Variants in NAV3 observed in about 807,000 individuals in gnomAD.
NAV3 encodes the protein neuron navigator 3, also known as pore membrane and/or filament interacting like protein 1.
In NAV3, 87 loss-of-function variants were observed where a neutral mutation model predicts 244.7. The observed-to-expected ratio is 0.36, with a 90% CI of 0.30 to 0.42. The LOEUF (loss-of-function observed/expected upper bound fraction) is 0.42. Ranked by LOEUF, NAV3 falls within the 20% of genes least tolerant of loss-of-function variation. NAV3 has a pLI of 1.00. For synonymous variants in NAV3, 1,126 were observed against 1,042.2 expected (o/e 1.08, Z -1.55); for missense variants, 2,663 against 2,893.3 (o/e 0.92, Z 1.83).
intron 1 of NAV3, among the ~76,000 whole-genome samples, chr12:77,889,943 G>A (rs893055479): frequency 1.3e-5 from 2 of 152,036 alleles, no homozygotes; most frequent in African/African-American, 4.8e-5. Context: ...ATCATTCTTG[G>A]CCTATAGCTA....
chr12:77,610,786 T>A (rs140841610), intron 2 of NAV3, among the ~76,000 whole-genome samples: 3 of 152,048 alleles, frequency 2.0e-5, no homozygotes, highest in African/African-American at 7.2e-5. Context: ...CTGGTCTCCA[T>A]GTACAAAGAG....
chr12:77,731,570 G>A (rs376269271), intron 2 of NAV3, among the ~76,000 whole-genome samples: 1 of 151,850 alleles, frequency 6.6e-6, no homozygotes, highest in South Asian at 2.1e-4. Context: ...AAGAGAGAGA[G>A]GAATCTTCAT....
intron 12 of NAV3, among the ~76,000 whole-genome samples, chr12:78,102,272 G>T (rs1349282553): frequency 1.3e-5 from 2 of 152,074 alleles, no homozygotes; most frequent in Non-Finnish European, 2.9e-5. Flanking sequence ...TGGGTTACAG[G>T]GCATGCAATT....
chr12:78,113,176 C>G (rs1955189778), intron 12 of NAV3, among the ~76,000 whole-genome samples: 1 of 152,258 alleles, frequency 6.6e-6, no homozygotes. Context: ...CTCCAGGCTG[C>G]TTTTACAAGC....
chr12:77,868,044 G>A (rs1880347079), intron 1 of NAV3, among the ~76,000 whole-genome samples: 1 of 152,186 alleles, frequency 6.6e-6, no homozygotes. Flanking sequence ...AACCAAAGTG[G>A]AAGTGATCTT....
intron 2 of NAV3, among the ~76,000 whole-genome samples, chr12:77,643,528 A>C (rs1872506739): frequency 1.3e-5 from 2 of 151,692 alleles, no homozygotes; most frequent in Admixed American, 1.3e-4. Context: ...AATATCATTC[A>C]TTTAAATTAG....
intron 1 of NAV3, among the ~76,000 whole-genome samples, chr12:77,864,073 C>T (rs959587316): frequency 6.6e-6 from 1 of 151,850 alleles, no homozygotes; most frequent in Non-Finnish European, 1.5e-5. Flanking sequence ...GTACATCACA[C>T]ACAATAAAAG....
intron 2 of NAV3, among the ~76,000 whole-genome samples, chr12:77,750,868 A>T (rs1868816985): frequency 6.6e-6 from 1 of 152,240 alleles, no homozygotes; most frequent in Admixed American, 6.5e-5. Context: ...ATCAATTTTC[A>T]AAGTTTTTAG....
chr12:77,900,495 T>A (rs1885155213), intron 1 of NAV3, among the ~76,000 whole-genome samples: 1 of 152,206 alleles, frequency 6.6e-6, no homozygotes, highest in South Asian at 2.1e-4. Context: ...GATGCATCCA[T>A]GTTACAACTA....
intron 5 of NAV3, among the ~76,000 whole-genome samples, chr12:77,991,901 G>A (rs1871505722): frequency 6.6e-6 from 1 of 151,950 alleles, no homozygotes. Context: ...TGTGGTGGCG[G>A]GTGCCTGTAA....
At chr12:77,783,074 A>G (rs1330230717) in intron 2 of NAV3, among the ~76,000 whole-genome samples, 1 of 150,400 alleles carries the variant, frequency 6.6e-6, no homozygotes, top group African/African-American at 2.4e-5. Flanking sequence ...TTTAAAATTC[A>G]TTTGTACCAT....
At chr12:77,692,278 T>A (rs1473860606) in intron 2 of NAV3, among the ~76,000 whole-genome samples, 1 of 152,076 alleles carries the variant, frequency 6.6e-6, no homozygotes, top group South Asian at 2.1e-4. Flanking sequence ...TAATAAAATA[T>A]TTTACATTTA....
At position 77,580,247 on chromosome 12, in the gene NAV3, C is replaced by T. The variant is rs183896071; in HGVS notation, c.72+7981C>T. On this transcript the variant is annotated intron_variant, in intron 2 of 8. Transcript: ENST00000550042. Reference sequence around the variant, plus strand: ...ACACACACACACACACACACACACACACACACACACACACAAAGATGGAAG... The same window carrying T: ...ACACACACACACACACACACACACATACACACACACACACAAAGATGGAAG... 5.7e-3 allele frequency among the ~76,000 whole-genome samples: 669 copies of T among 117,260 alleles called. 3 individuals are homozygous for T. The highest frequency in any genetic ancestry group is 0.018 in the Middle Eastern group (4 of 222). The allele number at this position is 117,260 out of a possible 152,430, so 76.9% of individuals were successfully genotyped here. A position where few individuals can be genotyped will look rare whatever the true frequency, so the allele number is the denominator to read the frequency against.
chr12:77,972,946 T>C (rs1022658654), intron 5 of NAV3, among the ~76,000 whole-genome samples: 3 of 151,850 alleles, frequency 2.0e-5, no homozygotes, highest in Non-Finnish European at 4.4e-5. Context: ...ACTCAGTAAA[T>C]GAATGCATGA....
At chr12:78,085,712 C>T (rs924191446) in intron 12 of NAV3, among the ~76,000 whole-genome samples, 4 of 152,048 alleles carry the variant, frequency 2.6e-5, no homozygotes, top group African/African-American at 4.8e-5. Flanking sequence ...AAATGGAAAA[C>T]TGGCACTTAG....
chr12:77,765,520 C>T (rs1869696515), intron 2 of NAV3, among the ~76,000 whole-genome samples: 1 of 152,080 alleles, frequency 6.6e-6, no homozygotes, highest in Non-Finnish European at 1.5e-5. Flanking sequence ...ATCCGAGCCA[C>T]TCAGTTAAGG....
intron 8 of NAV3, among the ~76,000 whole-genome samples, chr12:78,013,957 T>C (rs1175083962): frequency 6.6e-6 from 1 of 152,108 alleles, no homozygotes. Flanking sequence ...CTGTTTTTCC[T>C]GCCTGGAGTT....
At chr12:77,930,501 A>G (rs1049366885) in intron 1 of NAV3, among the ~76,000 whole-genome samples, 15 of 151,794 alleles carry the variant, frequency 9.9e-5, no homozygotes, top group Admixed American at 9.8e-4. Flanking sequence ...TTTCCTTATA[A>G]TCCAATTCTC....
chr12:77,949,818 A>G (rs1255945708), intron 3 of NAV3, among the ~76,000 whole-genome samples: 2 of 152,062 alleles, frequency 1.3e-5, no homozygotes, highest in East Asian at 1.9e-4. Flanking sequence ...TTACTGCCCT[A>G]CACATCCTCT....
Sources: gnomAD v4.1 joint callset for allele counts (sites outside exome capture counted in the v4.1 genomes callset) on GRCh38, gnomAD v4.1.1 for gene constraint, MANE v1.5 for transcripts, NCBI Gene and HGNC (gene_info 2026-07-23, HGNC 2026-07-21) for gene names.